The following PLCG2 variants were observed in gnomAD, a reference collection of about 807,000 sequenced individuals.
The protein encoded by PLCG2 is phospholipase C gamma 2.
Under a neutral mutation model 175.6 loss-of-function variants are expected in PLCG2, and 69 were observed. The observed-to-expected ratio is 0.39, with a 90% CI of 0.32 to 0.48. PLCG2 has a LOEUF of 0.48. PLCG2 is among the 20% of genes least tolerant of loss of function. The pLI is 0.91. For missense variants in PLCG2, 1,798 were observed against 1,650.9 expected (o/e 1.09, Z -1.54); for synonymous variants, 827 against 624.0 (o/e 1.33, Z -4.85).
intron 2 of PLCG2, among the ~76,000 whole-genome samples, chr16:81,772,341 G>A (rs548415672): frequency 6.6e-6 from 1 of 152,276 alleles, no homozygotes; most frequent in Admixed American, 6.5e-5. Context: ...TAGGGCCTAA[G>A]GAGGGAACCA....
intron 3 of PLCG2, chr16:81,858,053 AAGCTC>A (rs1360516090): frequency 1.1e-5 from 6 of 545,962 alleles, no homozygotes; most frequent in Admixed American, 3.0e-5. Context: ...CTGTGGTACA[AAGCTC>A]ATCATGAATG....
chr16:81,927,346 T>A (rs41305763), intron 23 of PLCG2, among the ~76,000 whole-genome samples, 168 bp downstream of exon 23: 4,403 of 152,198 alleles, frequency 0.029, 90 homozygotes, highest in Middle Eastern at 0.14. Context: ...GAGATTGAGT[T>A]GTTGTGGGTG....
chr16:81,935,533 T>G, intron 26 of PLCG2: 1 of 985,332 alleles, frequency 1.0e-6, no homozygotes, highest in Non-Finnish European at 1.2e-6. Context: ...ATCTTTCATC[T>G]TAGAACAGAA....
chr16:81,936,369 C>T lies in PLCG2; in HGVS notation c.3043C>T (p.Gln1015Ter). The change falls in exon 27 of 33, where the codon CAG becomes TAG. Residue 1015 changes from glutamine to a stop codon, truncating the protein, a stop_gained. Coordinates refer to ENST00000564138, the MANE Select transcript of PLCG2 (RefSeq NM_002661.5). LOFTEE classifies it high-confidence loss of function. ...TTCTCAGATGGTGGCACTCAATTTCCAGACGGCAGGTAAAGGCCGACTGAA... is the reference window on the plus strand; with the variant it reads ...TTCTCAGATGGTGGCACTCAATTTCTAGACGGCAGGTAAAGGCCGACTGAA... ...CGSQMVALNF[Q>*]TADKYMQMNH... 6.2e-7 allele frequency: 1 copy of T among 1,613,696 alleles called. No homozygotes were observed. Among genetic ancestry groups the T allele is most frequent in the Non-Finnish European group, 8.5e-7 (1 of 1,179,980 alleles).
In PLCG2 at chr16:81,786,082, C is replaced by G; in HGVS notation, c.93C>G (p.Phe31Leu). The change falls in exon 2 of 33, where the codon TTC becomes TTG. Residue 31 changes from phenylalanine (F) to leucine (L), a missense_variant. Phe to Leu is a conservative substitution (Grantham distance 22, BLOSUM62 0). Transcript: ENST00000564138. The stretch of plus-strand genomic sequence containing the variant: ...AGCTGGGGACGGTGATGACTGTGTT[C>G]AGCTTCCGCAAGTCCACCCCCGAGC... ...ALELGTVMTV[F>L]SFRKSTPERR... 6.2e-7 allele frequency: 1 copy of G among 1,614,214 alleles called. No individual in the cohort carries two copies. Among genetic ancestry groups the G allele is most frequent in the Non-Finnish European group, 8.5e-7 (1 of 1,180,030 alleles).
At chr16:81,741,805 CA>C (rs541364004) in intron 1 of PLCG2, among the ~76,000 whole-genome samples, 18 of 148,278 alleles carry the variant, frequency 1.2e-4, no homozygotes, top group African/African-American at 2.2e-4. Context: ...GAGACTGTCT[CA>C]AAAAAAAAAT....
chr16:81,938,850 C>T lies in PLCG2; in HGVS notation c.3248C>T (p.Pro1083Leu). Residue 1083 changes from proline to leucine, a missense_variant, in exon 29 of 33, where the codon CCC becomes CTC. Pro to Leu is a moderately conservative substitution (Grantham distance 98). Coordinates refer to ENST00000564138, the MANE Select transcript of PLCG2 (RefSeq NM_002661.5). ...AAACTTGGACGAAGTATTGCCTGTC[C>T]CTTTGTAGAAGTGGAGATCTGTGGA... ...LPKLGRSIAC[P>L]FVEVEICGAE... The T allele has an allele frequency of 6.2e-7, 1 of 1,613,722 alleles. No homozygotes were observed. The highest frequency in any genetic ancestry group is 8.5e-7 in the Non-Finnish European group (1 of 1,179,862).
chr16:81,845,595 T>C (rs1906072676), intron 2 of PLCG2, among the ~76,000 whole-genome samples: 1 of 152,210 alleles, frequency 6.6e-6, no homozygotes. Context: ...CCTGGGAACA[T>C]GAATTTGCAG....
At chr16:81,851,849 T>C (rs1364258018) in intron 2 of PLCG2, among the ~76,000 whole-genome samples, 1 of 152,210 alleles carries the variant, frequency 6.6e-6, no homozygotes, top group Non-Finnish European at 1.5e-5. Flanking sequence ...GAGCTGTTTC[T>C]AATTGAGCTA....
At chr16:81,916,576 A>C (rs1172812825) in intron 19 of PLCG2, among the ~76,000 whole-genome samples, 1 of 134,916 alleles carries the variant, frequency 7.4e-6, no homozygotes, top group Non-Finnish European at 1.6e-5. Flanking sequence ...ACACACACTT[A>C]ACCATTTTTT....
chr16:81,802,449 G>C (rs999732837), intron 2 of PLCG2, among the ~76,000 whole-genome samples: 1 of 151,704 alleles, frequency 6.6e-6, no homozygotes, highest in East Asian at 2.0e-4. Flanking sequence ...TGTACTTCCA[G>C]CTTTTGCTAC....
At chr16:81,787,882 C>T (rs1040000689) in intron 2 of PLCG2, among the ~76,000 whole-genome samples, 2 of 152,144 alleles carry the variant, frequency 1.3e-5, no homozygotes, top group African/African-American at 4.8e-5. Context: ...GGTTCATCCA[C>T]TTTGTTGCGT....
intron 31 of PLCG2, among the ~76,000 whole-genome samples, chr16:81,952,829 T>G (rs1185721868): frequency 6.6e-6 from 1 of 152,148 alleles, no homozygotes; most frequent in African/African-American, 2.4e-5. Context: ...AAATGAAAGT[T>G]GGAGGAGAAA....
chr16:81,897,931 T>C, intron 13 of PLCG2: 1 of 450,430 alleles, frequency 2.2e-6, no homozygotes, highest in Non-Finnish European at 4.5e-6. Flanking sequence ...TATGGACGTC[T>C]TTTCGCACTT....
chr16:81,947,494 T>C (rs1911197169), intron 31 of PLCG2, among the ~76,000 whole-genome samples: 1 of 152,200 alleles, frequency 6.6e-6, no homozygotes, highest in South Asian at 2.1e-4. Context: ...GCTTTCTCCT[T>C]AATGCCCACG....
At chr16:81,774,529 G>A (rs919287294), upstream of PLCG2, among the ~76,000 whole-genome samples, 5 of 152,076 alleles carry the variant, frequency 3.3e-5, no homozygotes, top group East Asian at 1.9e-4. Context: ...TCGGCTCGTC[G>A]CCACGGATGT....
At chr16:81,951,223 C>G (rs1329225560) in intron 31 of PLCG2, among the ~76,000 whole-genome samples, 1 of 152,168 alleles carries the variant, frequency 6.6e-6, no homozygotes, top group African/African-American at 2.4e-5. Context: ...CTTAGCCTCC[C>G]CAAGTGCTGG....
At chr16:81,839,460 A>C (rs114472783) in intron 2 of PLCG2, among the ~76,000 whole-genome samples, 1,801 of 152,280 alleles carry the variant, frequency 0.012, 45 homozygotes, top group African/African-American at 0.041. Flanking sequence ...TTAAAATATT[A>C]ATAGGCTGTA....
intron 2 of PLCG2, among the ~76,000 whole-genome samples, chr16:81,845,388 C>A (rs940658236): frequency 6.6e-6 from 1 of 152,188 alleles, no homozygotes; most frequent in South Asian, 2.1e-4. Flanking sequence ...TACAGTCGCA[C>A]ACTCATTTAA....
Sources: gnomAD v4.1 joint callset for allele counts (sites outside exome capture counted in the v4.1 genomes callset) on GRCh38, gnomAD v4.1.1 for gene constraint, MANE v1.5 for transcripts, NCBI Gene and HGNC (gene_info 2026-07-23, HGNC 2026-07-21) for gene names.